Variants in ZC3H18 observed in about 807,000 individuals in gnomAD.
The protein encoded by ZC3H18 is zinc finger CCCH-type containing 18.
ZC3H18 carries 8 observed loss-of-function variants against 106.1 expected under a neutral mutation model. That is an observed-to-expected ratio of 0.08 (90% CI 0.04 to 0.14). The LOEUF (loss-of-function observed/expected upper bound fraction) is 0.14. ZC3H18 is among the 10% of genes least tolerant of loss of function. The pLI is 1.00. For synonymous variants in ZC3H18, 635 were observed against 522.1 expected (o/e 1.22, Z -2.95); for missense variants, 1,318 against 1,278.4 (o/e 1.03, Z -0.47).
chr16:88,625,006 G>A (rs537602900), intron 12 of ZC3H18, among the ~76,000 whole-genome samples, 196 bp from the exon 13 acceptor site: 2 of 152,218 alleles, frequency 1.3e-5, no homozygotes, highest in South Asian at 2.1e-4. Context: ...TGCACTGGAA[G>A]GTGCTGCCCC....
At position 88,623,202 on chromosome 16, in the gene ZC3H18, C is replaced by G; in HGVS notation, c.1668-17C>G. On this transcript the variant is annotated splice_polypyrimidine_tract_variant and intron_variant, in intron 9 of 17. Coordinates refer to ENST00000301011, the MANE Select transcript of ZC3H18 (RefSeq NM_144604.4). Reference sequence around the variant, plus strand: ...GCCCTTCTCACTTCTCGCCACGCTCCGTCCCGCCCGCCCCAGGTCGTCTTC... The same window carrying G: ...GCCCTTCTCACTTCTCGCCACGCTCGGTCCCGCCCGCCCCAGGTCGTCTTC... 6.2e-7 allele frequency: 1 copy of G among 1,610,004 alleles called. No individual in the cohort carries two copies. Among genetic ancestry groups the G allele is most frequent in the Non-Finnish European group, 8.5e-7 (1 of 1,179,404 alleles).
intron 9 of ZC3H18, 111 bp from the exon 10 acceptor site, chr16:88,623,108 T>C (rs1226311128): frequency 9.6e-6 from 14 of 1,455,418 alleles, no homozygotes; most frequent in South Asian, 1.3e-5. Context: ...GCTGTGCGCT[T>C]GTGTGTAGCT....
At position 88,631,207 on chromosome 16, in the gene ZC3H18, A is replaced by G; in HGVS notation, c.2770A>G (p.Thr924Ala). The change falls in exon 18 of 18, where the codon ACG becomes GCG. Residue 924 changes from threonine to alanine, a missense_variant. Thr to Ala is a moderately conservative substitution (Grantham distance 58). Coordinates refer to ENST00000301011, the MANE Select transcript of ZC3H18 (RefSeq NM_144604.4). ...AASTKSGKAS[T>A]LSRREELLKQ... is the part of the protein sequence containing the mutation. The stretch of plus-strand genomic sequence containing the variant: ...CAGCACCAAATCAGGGAAGGCCAGC[A>G]CGCTGTCTCGGCGGGAGGAGCTGCT... 1.2e-6 allele frequency: 2 copies of G among 1,613,436 alleles called. No homozygotes were observed. Among genetic ancestry groups the G allele is most frequent in the Non-Finnish European group, 1.7e-6 (2 of 1,179,894 alleles).
intron 8 of ZC3H18, among the ~76,000 whole-genome samples, 197 bp downstream of exon 8, chr16:88,611,733 G>A (rs1905285618): frequency 6.6e-6 from 1 of 152,206 alleles, no homozygotes; most frequent in South Asian, 2.1e-4. Flanking sequence ...AACTCCCAAG[G>A]CCGTGACATC....
At chr16:88,617,587 G>T (rs532884514) in intron 8 of ZC3H18, among the ~76,000 whole-genome samples, 1 of 152,170 alleles carries the variant, frequency 6.6e-6, no homozygotes, top group African/African-American at 2.4e-5. Context: ...AGCTGTCTGG[G>T]CTGCCTGCTG....
At chr16:88,572,387 T>G (rs956922412) in intron 1 of ZC3H18, among the ~76,000 whole-genome samples, 1 of 151,960 alleles carries the variant, frequency 6.6e-6, no homozygotes, top group African/African-American at 2.4e-5. Flanking sequence ...CACCGCAACC[T>G]CCTCCTCCTG....
In ZC3H18 at chr16:88,577,630, T is replaced by G; in HGVS notation, c.507T>G (p.Ala169=). 1 of 1,613,782 alleles carries G rather than the reference T, an allele frequency of 6.2e-7. No homozygotes were observed. The highest frequency in any genetic ancestry group is 8.5e-7 in the Non-Finnish European group (1 of 1,179,978). Residue 169 remains alanine (A), a synonymous_variant, in exon 2 of 18, where the codon GCT becomes GCG. Transcript: ENST00000301011. ...GCACTCCCAGGGAGGAGGGGAAGGC[T>G]GGTGTTCAGAGTGTGGGAGAAAAGG... ...GEGTPREEGK[A]GVQSVGEKES...
At chr16:88,623,545 C>T (rs761191264) in intron 10 of ZC3H18, 20 of 671,754 alleles carry the variant, frequency 3.0e-5, no homozygotes, top group Middle Eastern at 4.1e-4. Flanking sequence ...TGTGTAGATG[C>T]GTGCTGTCAC....
chr16:88,585,940 G>T (rs1409112764), intron 2 of ZC3H18, among the ~76,000 whole-genome samples: 1 of 152,106 alleles, frequency 6.6e-6, no homozygotes, highest in Non-Finnish European at 1.5e-5. Flanking sequence ...ACGTGGGCTG[G>T]GGTGGTGTAA....
At chr16:88,615,357 C>G (rs1288611018) in intron 8 of ZC3H18, among the ~76,000 whole-genome samples, 1 of 152,200 alleles carries the variant, frequency 6.6e-6, no homozygotes, top group East Asian at 1.9e-4. Context: ...TCATGGCCCT[C>G]AGTGCCCATC....
rs150459574 is a variant in ZC3H18 at position 88,576,478 on chromosome 16, C to T, written c.-14-632C>T. Reference sequence around the variant, plus strand: ...AGTTGCTGAGCGGGTGAACACAGCCCTCTCGACACCTGCTGGAGGGGCCAG... The same window carrying T: ...AGTTGCTGAGCGGGTGAACACAGCCTTCTCGACACCTGCTGGAGGGGCCAG... On this transcript the variant is annotated intron_variant, in intron 1 of 17. Coordinates refer to ENST00000301011, the MANE Select transcript of ZC3H18 (RefSeq NM_144604.4). Among the ~76,000 whole-genome samples the T allele has an allele frequency of 3.0e-3, 462 of 152,250 alleles. 4 individuals carry two copies. The highest frequency in any genetic ancestry group is 0.021 in the Admixed American group (321 of 15,290).
At chr16:88,618,197 T>A (rs959412834) in intron 8 of ZC3H18, among the ~76,000 whole-genome samples, 1 of 152,166 alleles carries the variant, frequency 6.6e-6, no homozygotes, top group Non-Finnish European at 1.5e-5. Context: ...TTTTTTTTTT[T>A]TTTGCAAAGT....
intron 16 of ZC3H18, among the ~76,000 whole-genome samples, chr16:88,629,277 C>G (rs148534433): frequency 0.047 from 7,166 of 152,252 alleles, 187 homozygotes; most frequent in Non-Finnish European, 0.059. Context: ...GAGTTTGAGA[C>G]CAGCCTGGCT....
intron 8 of ZC3H18, 78 bp downstream of exon 8, chr16:88,611,614 G>C: frequency 3.3e-6 from 5 of 1,494,704 alleles, no homozygotes. Context: ...CCTGGCCTGC[G>C]CTTCCCCTCT....
intron 5 of ZC3H18, 76 bp from the exon 6 acceptor site, chr16:88,599,715 C>T (rs1223232618): frequency 7.2e-6 from 11 of 1,520,630 alleles, no homozygotes; most frequent in Admixed American, 2.1e-5. Context: ...TCGGGTGGGA[C>T]GGCTCCCTTT....
Position 88,570,610 on chromosome 16 carries a change from G to C in ZC3H18, c.-15+44G>C, listed in dbSNP as rs1914329378. 3 of 150,940 alleles carry C rather than the reference G, an allele frequency of 2.0e-5. No individual in the cohort carries two copies. The South Asian group carries it at 5.6e-4, about 28-fold the overall frequency. The allele number at this position is 150,940 out of a possible 1,614,324, so 9.4% of individuals were successfully genotyped here. ...GGCGGCGGGAGGCCGGGCCGGCGGC[G>C]GCGGGAGGAGGAGGCCGCCGAGGCG... On this transcript the variant is annotated intron_variant, in intron 1 of 17. Coordinates refer to ENST00000301011, the MANE Select transcript of ZC3H18 (RefSeq NM_144604.4).
rs1567602531 is a variant in ZC3H18 at position 88,630,760 on chromosome 16, CCCCCCACACA to C, written c.2663+181_2663+190del. On this transcript the variant is annotated intron_variant, in intron 17 of 17. Coordinates refer to ENST00000301011, the MANE Select transcript of ZC3H18 (RefSeq NM_144604.4). ...CGAATTGCAGCCCCACCCCCCACCC[CCCCCCACACA>C]CACACACACGCTCCTGCCCTGGTTG... Among the ~76,000 whole-genome samples the C allele has an allele frequency of 3.7e-5, 4 of 108,388 alleles. 1 individual carries two copies. Among genetic ancestry groups the C allele is most frequent in the East Asian group, 7.5e-4 (2 of 2,672 alleles). 71.1% of individuals were successfully genotyped at this position (108,388 alleles called of 152,430 possible).
chr16:88,578,606 C>T (rs1035948251), intron 2 of ZC3H18, among the ~76,000 whole-genome samples: 6 of 151,914 alleles, frequency 3.9e-5, no homozygotes, highest in Non-Finnish European at 7.4e-5. Flanking sequence ...GAGTGTCTGC[C>T]GAGAGTATCT....
chr16:88,598,677 A>G lies in ZC3H18; in HGVS notation c.895A>G (p.Ser299Gly). 3 of 1,613,148 alleles carry G rather than the reference A, an allele frequency of 1.9e-6. No individual in the cohort carries two copies. Among genetic ancestry groups the G allele is most frequent in the Non-Finnish European group, 2.5e-6 (3 of 1,179,574 alleles). Residue 299 changes from serine to glycine, a missense_variant, in exon 5 of 18, where the codon AGT becomes GGT. Ser to Gly is a moderately conservative substitution (Grantham distance 56). This residue lies in a region of ZC3H18 where 78 missense variants were observed against 67.3 expected (regional missense o/e 1.16). Transcript: ENST00000301011. ...ACCCCCTCCAGAGCCCCCAACAGAG[A>G]GTGCCTGGGAACGAGGACTCCGGCA... ...PPPPPEPPTE[S>G]AWERGLRHAK...
Sources: allele counts gnomAD v4.1 joint callset (sites outside exome capture counted in the v4.1 genomes callset), GRCh38; gene constraint gnomAD v4.1.1; regional missense constraint gnomAD v4.1.1; transcripts MANE v1.5; gene names NCBI Gene and HGNC (gene_info 2026-07-23, HGNC 2026-07-21).